Variants in CDKAL1 observed in about 807,000 individuals in gnomAD.
The protein encoded by CDKAL1 is threonylcarbamoyladenosine tRNA methylthiotransferase.
Under a neutral mutation model 68.2 loss-of-function variants are expected in CDKAL1, and 32 were observed. That is an observed-to-expected ratio of 0.47 (90% CI 0.35 to 0.63). The LOEUF (loss-of-function observed/expected upper bound fraction) is 0.63, where lower values mean the gene tolerates loss of function less well. Ranked by LOEUF, CDKAL1 falls within the 30% of genes least tolerant of loss-of-function variation. CDKAL1 has a pLI of 0.00. For synonymous variants in CDKAL1, 234 were observed against 244.3 expected (o/e 0.96, Z 0.39); for missense variants, 606 against 696.7 (o/e 0.87, Z 1.47).
In CDKAL1 at chr6:20,955,312, G is replaced by T. The variant is rs114352019; in HGVS notation, c.743-107G>T. 1,048 of 1,122,778 alleles carry T rather than the reference G, an allele frequency of 9.3e-4. 7 individuals are homozygous for T. The African/African-American group carries it at 0.014, about 16-fold the overall frequency. The allele number at this position is 1,122,778 out of a possible 1,614,324, so 69.6% of individuals were successfully genotyped here. On this transcript the variant is annotated intron_variant, in intron 9 of 15. Transcript: ENST00000274695. ...TTCTCTGCAATTGAATACCCAGACT[G>T]CCTGAATAATAGTGTTGAGAAATAC...
intron 9 of CDKAL1, among the ~76,000 whole-genome samples, chr6:20,948,638 G>A (rs567396069): frequency 7.6e-4 from 115 of 152,212 alleles, no homozygotes; most frequent in African/African-American, 2.0e-3. Context: ...GACTGCTAGC[G>A]TTGAGCCTGT....
chr6:21,004,493 A>C (rs1441128016), intron 11 of CDKAL1, among the ~76,000 whole-genome samples: 1 of 152,180 alleles, frequency 6.6e-6, no homozygotes, highest in East Asian at 1.9e-4. Flanking sequence ...GCCATGAGCA[A>C]TCATATGACT....
chr6:21,071,618 G>T (rs1452710279), intron 12 of CDKAL1, among the ~76,000 whole-genome samples: 1 of 151,940 alleles, frequency 6.6e-6, no homozygotes, highest in Admixed American at 6.6e-5. Flanking sequence ...GATTCTGGTC[G>T]TTTGTCTTTT....
intron 10 of CDKAL1, among the ~76,000 whole-genome samples, chr6:20,958,989 C>T (rs1296638536): frequency 6.6e-6 from 1 of 152,194 alleles, no homozygotes; most frequent in Non-Finnish European, 1.5e-5. Context: ...GGGAAAGATA[C>T]ATCTATTGAG....
chr6:20,935,986 A>G (rs1561897757), intron 9 of CDKAL1, among the ~76,000 whole-genome samples: 1 of 152,150 alleles, frequency 6.6e-6, no homozygotes, highest in African/African-American at 2.4e-5. Flanking sequence ...ACACTGCTGC[A>G]CCTTGTCCCA....
At chr6:20,737,921 G>T (rs1051099141) in intron 5 of CDKAL1, among the ~76,000 whole-genome samples, 4 of 152,158 alleles carry the variant, frequency 2.6e-5, no homozygotes, top group Non-Finnish European at 5.9e-5. Flanking sequence ...AGAAAATTTT[G>T]ATGTGGCTGT....
intron 15 of CDKAL1, among the ~76,000 whole-genome samples, chr6:21,208,220 G>C (rs1329680541): frequency 1.3e-5 from 2 of 152,290 alleles, no homozygotes; most frequent in East Asian, 3.9e-4. Flanking sequence ...AAAGGAAGCA[G>C]AAGTTTTAAA....
intron 13 of CDKAL1, among the ~76,000 whole-genome samples, chr6:21,140,507 T>A (rs1200277833): frequency 1.3e-5 from 2 of 152,200 alleles, no homozygotes; most frequent in African/African-American, 4.8e-5. Context: ...TTTAAGAGAC[T>A]TGCCCACTTT....
intron 12 of CDKAL1, among the ~76,000 whole-genome samples, chr6:21,078,592 C>T (rs1772205068): frequency 6.6e-6 from 1 of 152,186 alleles, no homozygotes; most frequent in Non-Finnish European, 1.5e-5. Flanking sequence ...CTCCACTCCT[C>T]GATCTTGCCA....
intron 9 of CDKAL1, among the ~76,000 whole-genome samples, chr6:20,938,862 A>G (rs1334061384): frequency 5.3e-5 from 8 of 152,076 alleles, no homozygotes; most frequent in Admixed American, 5.2e-4. Flanking sequence ...TGTTTGAAAT[A>G]CTGTGAAAAC....
chr6:21,013,374 T>A (rs1045339814), intron 11 of CDKAL1, among the ~76,000 whole-genome samples: 2 of 152,192 alleles, frequency 1.3e-5, no homozygotes, highest in African/African-American at 4.8e-5. Context: ...TTAACTTTTT[T>A]ACTTTTAAGT....
chr6:20,944,502 A>G (rs543890832), intron 9 of CDKAL1, among the ~76,000 whole-genome samples: 1 of 152,270 alleles, frequency 6.6e-6, no homozygotes, highest in East Asian at 1.9e-4. Context: ...GTGCACCACC[A>G]TGCTGTGTTA....
intron 2 of CDKAL1, among the ~76,000 whole-genome samples, chr6:20,537,049 T>C (rs1398806485): frequency 6.6e-6 from 1 of 152,122 alleles, no homozygotes; most frequent in Non-Finnish European, 1.5e-5. Context: ...TTGTTTTTGT[T>C]TTTGTTTTGA....
chr6:21,127,588 A>G (rs1302848296), intron 13 of CDKAL1, among the ~76,000 whole-genome samples: 1 of 152,160 alleles, frequency 6.6e-6, no homozygotes, highest in Non-Finnish European at 1.5e-5. Flanking sequence ...TGTCTCTACT[A>G]AAAATACAAA....
intron 13 of CDKAL1, among the ~76,000 whole-genome samples, chr6:21,171,953 A>G (rs1310571452): frequency 6.6e-6 from 1 of 152,178 alleles, no homozygotes; most frequent in Non-Finnish European, 1.5e-5. Context: ...CAGAAGTAAG[A>G]TTCATGTGTA....
intron 13 of CDKAL1, among the ~76,000 whole-genome samples, chr6:21,164,495 C>T (rs910070790): frequency 5.9e-5 from 9 of 152,108 alleles, no homozygotes; most frequent in African/African-American, 1.7e-4. Flanking sequence ...ACACACAGAC[C>T]GGGGCTGGCC....
chr6:21,045,042 G>T (rs1770145168), intron 11 of CDKAL1, among the ~76,000 whole-genome samples: 1 of 152,138 alleles, frequency 6.6e-6, no homozygotes, highest in African/African-American at 2.4e-5. Context: ...CTGCCTTCAT[G>T]ATGTCATCAC....
intron 11 of CDKAL1, among the ~76,000 whole-genome samples, chr6:21,038,504 G>C (rs979934374): frequency 6.6e-6 from 1 of 152,126 alleles, no homozygotes; most frequent in Non-Finnish European, 1.5e-5. Context: ...TTTTACAAAG[G>C]TATTCAGAGA....
At chr6:20,573,857 T>C (rs1352684688) in intron 4 of CDKAL1, among the ~76,000 whole-genome samples, 1 of 152,160 alleles carries the variant, frequency 6.6e-6, no homozygotes, top group Non-Finnish European at 1.5e-5. Flanking sequence ...CCAGTAGTAA[T>C]GGATTTGCAC....
Sources: allele counts gnomAD v4.1 joint callset (sites outside exome capture counted in the v4.1 genomes callset), GRCh38; gene constraint gnomAD v4.1.1; transcripts MANE v1.5; gene names NCBI Gene and HGNC (gene_info 2026-07-23, HGNC 2026-07-21).